GTF2A1L: variants seen among roughly 807,000 people sequenced by gnomAD.
GTF2A1L encodes general transcription factor IIA subunit 1 like.
GTF2A1L carries 48 observed loss-of-function variants against 49.7 expected under a neutral mutation model. The ratio of observed to expected loss-of-function variants is 0.97; its 90% CI spans 0.77 to 1.23. The LOEUF (loss-of-function observed/expected upper bound fraction) is 1.23. Ranked by LOEUF, GTF2A1L falls within the 50% of genes most tolerant of loss-of-function variation. The pLI, the probability that GTF2A1L is intolerant of heterozygous loss-of-function variation, is 0.00. For missense variants in GTF2A1L, 736 were observed against 564.8 expected (o/e 1.30, Z -3.07); for synonymous variants, 246 against 193.5 (o/e 1.27, Z -2.25).
chr2:48,658,298 C>T (rs889800967), intron 6 of GTF2A1L, among the ~76,000 whole-genome samples: 4 of 152,126 alleles, frequency 2.6e-5, no homozygotes, highest in African/African-American at 9.7e-5. Flanking sequence ...AGGTAGGAGT[C>T]CAGTTTCATT....
chr2:48,622,984 C>A (rs145401896), intron 3 of GTF2A1L, among the ~76,000 whole-genome samples: 13 of 152,166 alleles, frequency 8.5e-5, no homozygotes, highest in African/African-American at 2.9e-4. Context: ...TTACTCAGCT[C>A]CTTATTCTGT....
chr2:48,627,757 A>G lies in GTF2A1L; in HGVS notation c.247+6467A>G, dbSNP rs1290735563. ...TTTTATTCTAGATTCAGGGGTACAC[A>G]GGCAGGTTTGTTACATGGGTATATT... On this transcript the variant is annotated intron_variant, in intron 3 of 8. Coordinates refer to ENST00000403751, the MANE Select transcript of GTF2A1L (RefSeq NM_006872.5). Among the ~76,000 whole-genome samples, 2 of 143,206 alleles carry G rather than the reference A, an allele frequency of 1.4e-5. 1 individual carries two copies. The highest frequency in any genetic ancestry group is 1.4e-4 in the Admixed American group (2 of 14,120). 93.9% of individuals were successfully genotyped at this position (143,206 alleles called of 152,430 possible).
chr2:48,620,010 TTTGTGTA>T (rs1325245672), intron 1 of GTF2A1L, among the ~76,000 whole-genome samples: 2 of 152,214 alleles, frequency 1.3e-5, no homozygotes, highest in African/African-American at 4.8e-5. Flanking sequence ...TTTTTTGGAC[TTTGTGTA>T]TTTTGGAAGT....
At chr2:48,653,446 C>T (rs1250911950) in intron 6 of GTF2A1L, among the ~76,000 whole-genome samples, 1 of 152,154 alleles carries the variant, frequency 6.6e-6, no homozygotes, top group Non-Finnish European at 1.5e-5. Context: ...TCCTGGCGGT[C>T]ACTCACTGAC....
intron 3 of GTF2A1L, among the ~76,000 whole-genome samples, chr2:48,631,046 C>G (rs1001628446): frequency 3.3e-5 from 5 of 152,094 alleles, no homozygotes; most frequent in Non-Finnish European, 7.4e-5. Context: ...GATTTTTGCT[C>G]TGTGTTCATC....
At chr2:48,662,832 G>A (rs1678591974) in intron 6 of GTF2A1L, among the ~76,000 whole-genome samples, 1 of 151,914 alleles carries the variant, frequency 6.6e-6, no homozygotes. Context: ...ACTACCACAT[G>A]TTCTCACTTA....
chr2:48,654,620 G>C (rs1678065347), intron 6 of GTF2A1L, among the ~76,000 whole-genome samples: 2 of 152,140 alleles, frequency 1.3e-5, no homozygotes, highest in African/African-American at 2.4e-5. Flanking sequence ...CTGACCTCAG[G>C]TGATCCCCCT....
chr2:48,623,487 T>C (rs1293276205), intron 3 of GTF2A1L, among the ~76,000 whole-genome samples: 1 of 152,158 alleles, frequency 6.6e-6, no homozygotes, highest in Non-Finnish European at 1.5e-5. Flanking sequence ...GAATGTAAAT[T>C]TGTTCAGCCA....
chr2:48,624,505 T>G (rs1676196437), intron 3 of GTF2A1L, among the ~76,000 whole-genome samples: 1 of 143,792 alleles, frequency 7.0e-6, no homozygotes, highest in East Asian at 1.9e-4. Flanking sequence ...GTTGGTATAG[T>G]CTAGCAAATT....
intron 4 of GTF2A1L, among the ~76,000 whole-genome samples, chr2:48,644,156 A>C (rs777967196): frequency 5.3e-5 from 8 of 152,278 alleles, no homozygotes; most frequent in Non-Finnish European, 8.8e-5. Context: ...GGGCAACAGA[A>C]TGAAACCCTG....
chr2:48,630,280 T>C lies in GTF2A1L; in HGVS notation c.247+8990T>C, dbSNP rs1676502768. ...AGTGTTTCTCCATTTGTTTGTGTCATCTATGATTTCTTTCAGCAGTGTTTT... is the reference window on the plus strand; with the variant it reads ...AGTGTTTCTCCATTTGTTTGTGTCACCTATGATTTCTTTCAGCAGTGTTTT... On this transcript the variant is annotated intron_variant, in intron 3 of 8. Transcript: ENST00000403751. Among the ~76,000 whole-genome samples, 2 of 144,132 alleles carry C rather than the reference T, an allele frequency of 1.4e-5. 1 individual carries two copies. The highest frequency in any genetic ancestry group is 3.1e-5 in the Non-Finnish European group (2 of 64,026). The allele number at this position is 144,132 out of a possible 152,430, so 94.6% of individuals were successfully genotyped here. A position where few individuals can be genotyped will look rare whatever the true frequency, so the allele number is the denominator to read the frequency against.
intron 3 of GTF2A1L, among the ~76,000 whole-genome samples, chr2:48,636,668 G>A (rs1676905417): frequency 1.3e-5 from 2 of 152,134 alleles, no homozygotes; most frequent in South Asian, 4.1e-4. Context: ...ATGGTCTTAG[G>A]TAGCCTCAGT....
intron 3 of GTF2A1L, among the ~76,000 whole-genome samples, chr2:48,621,856 C>T (rs2104061200): frequency 6.6e-6 from 1 of 152,232 alleles, no homozygotes; most frequent in South Asian, 2.1e-4. Flanking sequence ...AAATGTTTGT[C>T]CACATTATGC....
chr2:48,664,101 A>C (rs1395013173), intron 6 of GTF2A1L, among the ~76,000 whole-genome samples: 5 of 152,184 alleles, frequency 3.3e-5, no homozygotes, highest in Admixed American at 3.3e-4. Context: ...GAATAAAAAA[A>C]AATATTTCTT....
At chr2:48,665,011 T>C (rs1414912897) in intron 6 of GTF2A1L, among the ~76,000 whole-genome samples, 1 of 151,980 alleles carries the variant, frequency 6.6e-6, no homozygotes, top group African/African-American at 2.4e-5. Context: ...AACCAGCACC[T>C]CCTGGGTTCA....
intron 6 of GTF2A1L, among the ~76,000 whole-genome samples, chr2:48,647,323 T>C (rs1166451023): frequency 1.3e-5 from 2 of 152,196 alleles, no homozygotes; most frequent in African/African-American, 4.8e-5. Flanking sequence ...TCTTTATTGT[T>C]GTTTTTAGTA....
At chr2:48,625,696 C>G (rs571622963) in intron 3 of GTF2A1L, among the ~76,000 whole-genome samples, 2 of 143,058 alleles carry the variant, frequency 1.4e-5, no homozygotes, top group Middle Eastern at 3.5e-3. Flanking sequence ...GATCCTCTCA[C>G]CTCGACTTCA....
At chr2:48,621,381 T>C in intron 3 of GTF2A1L, 91 bp downstream of exon 3, 2 of 1,570,822 alleles carry the variant, frequency 1.3e-6, no homozygotes, top group Non-Finnish European at 1.7e-6. Flanking sequence ...GTAATGTTCT[T>C]AGGGTGAGAA....
intron 6 of GTF2A1L, 63 bp downstream of exon 6, chr2:48,647,105 C>A: frequency 1.5e-6 from 2 of 1,313,316 alleles, no homozygotes; most frequent in East Asian, 2.5e-5. Flanking sequence ...ACTGGATATC[C>A]TGAATATTTT....
Sources: gnomAD v4.1 joint callset for allele counts (sites outside exome capture counted in the v4.1 genomes callset) on GRCh38, gnomAD v4.1.1 for gene constraint, MANE v1.5 for transcripts, NCBI Gene and HGNC (gene_info 2026-07-23, HGNC 2026-07-21) for gene names.